The following ANKRD30A variants were observed in gnomAD, a reference collection of about 807,000 sequenced individuals.
ANKRD30A encodes ankyrin repeat domain-containing protein 30A.
In ANKRD30A, 170 loss-of-function variants were observed where a neutral mutation model predicts 166.3. The observed-to-expected ratio is 1.02, with a 90% CI of 0.90 to 1.16. The LOEUF is 1.16. Ranked by LOEUF, ANKRD30A falls within the 50% of genes most tolerant of loss-of-function variation. The probability of loss-of-function intolerance (pLI) is 0.00; values close to 1 mark genes in which losing one functional copy is unlikely to be tolerated. For synonymous variants in ANKRD30A, 564 were observed against 508.9 expected, an observed-to-expected ratio of 1.11 and a Z score of -1.46; for missense variants, 1,630 against 1,518.0, an observed-to-expected ratio of 1.07 and a Z score of -1.23.
intron 11 of ANKRD30A, among the ~76,000 whole-genome samples, chr10:37,150,737 T>G (rs1434742242): frequency 6.6e-6 from 1 of 152,172 alleles, no homozygotes. Context: ...GTACCATAGT[T>G]AATTGCACAA....
chr10:37,162,500 T>C (rs928799435), intron 15 of ANKRD30A, 149 bp from the exon 16 acceptor site: 4 of 1,038,194 alleles, frequency 3.9e-6, no homozygotes, highest in African/African-American at 3.2e-5. Flanking sequence ...GTGTGTGTCC[T>C]AAACAAACCA....
rs1842748656 is a variant in ANKRD30A at position 37,219,153 on chromosome 10, G to T, written c.3441G>T (p.Gln1147His). Residue 1147 changes from glutamine to histidine, a missense_variant, in exon 34 of 36, where the codon CAG becomes CAT. Coordinates refer to ENST00000361713, the MANE Select transcript of ANKRD30A (RefSeq NM_052997.3). Reference sequence around the variant, plus strand: ...TAAAAGAAAAGAATGCTGAACTTCAGATGACCCTAAAACTGAAAGAGGAAT... The same window carrying T: ...TAAAAGAAAAGAATGCTGAACTTCATATGACCCTAAAACTGAAAGAGGAAT... ...KILKEKNAELQMTLKLKEESL... is the reference protein window; with the variant it reads ...KILKEKNAELHMTLKLKEESL... 11 of 1,610,314 alleles carry T rather than the reference G, an allele frequency of 6.8e-6. No individual in the cohort carries two copies. Among genetic ancestry groups the T allele is most frequent in the Non-Finnish European group, 9.3e-6 (11 of 1,177,444 alleles).
intron 4 of ANKRD30A, among the ~76,000 whole-genome samples, chr10:37,132,790 G>C (rs192854827): frequency 6.6e-6 from 1 of 152,252 alleles, no homozygotes; most frequent in African/African-American, 2.4e-5. Context: ...TTGAGGCCAG[G>C]AGTTTGAGAC....
intron 11 of ANKRD30A, among the ~76,000 whole-genome samples, chr10:37,150,806 A>G (rs1017400012): frequency 1.2e-4 from 19 of 152,158 alleles, no homozygotes; most frequent in Admixed American, 2.0e-4. Flanking sequence ...GACTCTTTCA[A>G]AAGTTAGTGT....
chr10:37,233,133 T>C (rs1843529099), downstream of ANKRD30A, among the ~76,000 whole-genome samples: 1 of 152,080 alleles, frequency 6.6e-6, no homozygotes, highest in South Asian at 2.1e-4. Context: ...TAAAAAATTC[T>C]AGAGGAGCAA....
chr10:37,152,798 A>G (rs1838053861), intron 12 of ANKRD30A, among the ~76,000 whole-genome samples: 1 of 152,150 alleles, frequency 6.6e-6, no homozygotes. Flanking sequence ...TAAGGTCACA[A>G]CTGTGGAAAG....
chr10:37,196,093 ATTTTTT>A (rs749036981), intron 27 of ANKRD30A, among the ~76,000 whole-genome samples: 2 of 129,458 alleles, frequency 1.5e-5, no homozygotes, highest in African/African-American at 5.8e-5. Flanking sequence ...TATATTTTCT[ATTTTTT>A]TTTTTTTTTT....
Position 37,190,331 on chromosome 10 carries a change from G to T in ANKRD30A, c.2512+774G>T, listed in dbSNP as rs755290659. 3.9e-5 allele frequency among the ~76,000 whole-genome samples: 6 copies of T among 151,910 alleles called. No homozygotes were observed. The Middle Eastern group carries it at 0.014, about 344-fold the overall frequency. ...TGGGTTGCAAGAGGAGAGGCCTTTT[G>T]TGGGAATAATGTGGAAGCAGAGCAA... On this transcript the variant is annotated intron_variant, in intron 25 of 35. Transcript: ENST00000361713.
intron 15 of ANKRD30A, among the ~76,000 whole-genome samples, chr10:37,159,764 C>T (rs189628939): frequency 1.8e-4 from 27 of 152,128 alleles, no homozygotes; most frequent in African/African-American, 6.3e-4. Flanking sequence ...GGCGCGATCT[C>T]GGCTCACGCA....
At chr10:37,231,789 C>G (rs1019891129) in intron 35 of ANKRD30A, 109 bp downstream of exon 35, 17 of 197,724 alleles carry the variant, frequency 8.6e-5, no homozygotes, top group Non-Finnish European at 1.5e-4. Context: ...AAATAATGGT[C>G]AACATTACCT....
chr10:37,200,398 C>T (rs948588413), intron 30 of ANKRD30A, among the ~76,000 whole-genome samples: 1 of 151,908 alleles, frequency 6.6e-6, no homozygotes, highest in African/African-American at 2.4e-5. Context: ...CTCCTTGAGT[C>T]CCTTTATGAC....
intron 2 of ANKRD30A, 27 bp from the exon 3 acceptor site, chr10:37,130,178 C>T: frequency 1.3e-6 from 2 of 1,485,152 alleles, no homozygotes; most frequent in Non-Finnish European, 1.8e-6. Flanking sequence ...ATACAGTTTA[C>T]AATAATTCTT....
chr10:37,149,910 C>T (rs1466940054), intron 11 of ANKRD30A, 61 bp downstream of exon 11: 3 of 1,596,814 alleles, frequency 1.9e-6, no homozygotes, highest in Admixed American at 3.4e-5. Context: ...TTTTGATGGT[C>T]TTTCTATCCC....
chr10:37,199,837 A>G (rs745478510), intron 30 of ANKRD30A, 49 bp downstream of exon 30: 1 of 1,172,194 alleles, frequency 8.5e-7, no homozygotes, highest in Non-Finnish European at 1.2e-6. Flanking sequence ...CATGATATGA[A>G]AACATAAAAT....
chr10:37,126,062 G>GTGT, intron 1 of ANKRD30A, 54 bp downstream of exon 1: 2 of 1,170,666 alleles, frequency 1.7e-6, no homozygotes, highest in Admixed American at 1.8e-5. Flanking sequence ...GCGGTGGGAG[G>GTGT]ATCGCCCCTT....
chr10:37,203,179 C>A (rs780357621), intron 31 of ANKRD30A, among the ~76,000 whole-genome samples: 3 of 151,960 alleles, frequency 2.0e-5, no homozygotes, highest in Non-Finnish European at 2.9e-5. Flanking sequence ...AGAGACACAA[C>A]AAAAAAACAG....
At chr10:37,214,026 T>A (rs565233713) in intron 31 of ANKRD30A, among the ~76,000 whole-genome samples, 1 of 151,788 alleles carries the variant, frequency 6.6e-6, no homozygotes, top group African/African-American at 2.4e-5. Flanking sequence ...TAGACCACAC[T>A]TGGGCATTTG....
chr10:37,210,698 T>G, intron 31 of ANKRD30A, among the ~76,000 whole-genome samples: 1 of 152,220 alleles, frequency 6.6e-6, no homozygotes, highest in East Asian at 1.9e-4. Flanking sequence ...GGTTTTGATT[T>G]GCATTTCTCT....
chr10:37,192,336 A>C (rs967525278), intron 25 of ANKRD30A, among the ~76,000 whole-genome samples: 2 of 151,952 alleles, frequency 1.3e-5, no homozygotes, highest in African/African-American at 2.4e-5. Context: ...GAGCCACTGC[A>C]CCTGGCCTGT....
Sources: allele counts gnomAD v4.1 joint callset (sites outside exome capture counted in the v4.1 genomes callset), GRCh38; gene constraint gnomAD v4.1.1; transcripts MANE v1.5; gene names NCBI Gene and HGNC (gene_info 2026-07-23, HGNC 2026-07-21).